Variants in ZDHHC13 observed in about 807,000 individuals in gnomAD.
ZDHHC13 encodes the protein palmitoyltransferase ZDHHC13.
Under a neutral mutation model 86.0 loss-of-function variants are expected in ZDHHC13, and 85 were observed. The ratio of observed to expected loss-of-function variants is 0.99; its 90% CI spans 0.83 to 1.18. The LOEUF is 1.18. ZDHHC13 is among the 50% of genes most tolerant of loss of function. ZDHHC13 has a pLI of 0.00. For missense variants in ZDHHC13, 711 were observed against 730.2 expected (o/e 0.97, Z 0.30); for synonymous variants, 263 against 246.4 (o/e 1.07, Z -0.63).
chr11:19,125,697 A>G (rs1335525535), intron 1 of ZDHHC13, among the ~76,000 whole-genome samples: 2 of 152,220 alleles, frequency 1.3e-5, no homozygotes, highest in Non-Finnish European at 2.9e-5. Flanking sequence ...ACCCACGCAG[A>G]CTGTTTGGAT....
Position 19,165,042 on chromosome 11 carries a change from G to A in ZDHHC13, c.1297-10G>A, listed in dbSNP as rs937240605. Reference sequence around the variant, plus strand: ...GTTTTTGCTTAGGCCTCTCTTAATTGCCCACTTAGATAAGGAAGCCATTAA... The same window carrying A: ...GTTTTTGCTTAGGCCTCTCTTAATTACCCACTTAGATAAGGAAGCCATTAA... On this transcript the variant is annotated splice_polypyrimidine_tract_variant and intron_variant, in intron 12 of 16. Transcript: ENST00000446113. The A allele has an allele frequency of 1.2e-6, 2 of 1,610,234 alleles. No individual in the cohort carries two copies. Among genetic ancestry groups the A allele is most frequent in the African/African-American group, 1.3e-5 (1 of 74,896 alleles).
At chr11:19,147,220 A>G (rs993657604) in intron 3 of ZDHHC13, among the ~76,000 whole-genome samples, 3 of 152,182 alleles carry the variant, frequency 2.0e-5, no homozygotes, top group Non-Finnish European at 2.9e-5. Flanking sequence ...TGAAGGTGAC[A>G]TAACTTTACC....
chr11:19,125,408 A>T (rs959644758), intron 1 of ZDHHC13, among the ~76,000 whole-genome samples: 4 of 152,216 alleles, frequency 2.6e-5, no homozygotes, highest in Admixed American at 2.0e-4. Flanking sequence ...AGGATATGCA[A>T]ATTAAGACCA....
At chr11:19,132,036 C>T (rs1849012856) in intron 1 of ZDHHC13, among the ~76,000 whole-genome samples, 1 of 152,114 alleles carries the variant, frequency 6.6e-6, no homozygotes, top group African/African-American at 2.4e-5. Flanking sequence ...GTTTTAATGT[C>T]TTTTTCAGCT....
intron 1 of ZDHHC13, among the ~76,000 whole-genome samples, chr11:19,123,125 A>T (rs949991007): frequency 2.0e-5 from 3 of 152,208 alleles, no homozygotes; most frequent in Admixed American, 2.0e-4. Flanking sequence ...CCCTTAGCGT[A>T]ATTGTACATC....
intron 1 of ZDHHC13, among the ~76,000 whole-genome samples, chr11:19,131,495 T>C (rs1259796042): frequency 6.6e-6 from 1 of 152,222 alleles, no homozygotes; most frequent in Non-Finnish European, 1.5e-5. Flanking sequence ...GAACTGCAAT[T>C]ATACATCTTC....
chr11:19,171,156 T>C (rs1344769360), intron 15 of ZDHHC13, among the ~76,000 whole-genome samples: 1 of 152,200 alleles, frequency 6.6e-6, no homozygotes, highest in Non-Finnish European at 1.5e-5. Context: ...AGTAATTACA[T>C]TTTCAGAGAA....
chr11:19,156,701 C>T lies in ZDHHC13; in HGVS notation c.1007+772C>T, dbSNP rs543987604. Reference sequence around the variant, plus strand: ...TGGATTACTGTCATCCTCTCCTCACCTCCCACGTCCAACCCATTACCAAGT... The same window carrying T: ...TGGATTACTGTCATCCTCTCCTCACTTCCCACGTCCAACCCATTACCAAGT... On this transcript the variant is annotated intron_variant, in intron 9 of 16. Coordinates refer to ENST00000446113, the MANE Select transcript of ZDHHC13 (RefSeq NM_019028.3). Among the ~76,000 whole-genome samples, 25 of 152,208 alleles carry T rather than the reference C, an allele frequency of 1.6e-4. No homozygotes were observed. The South Asian group carries it at 5.2e-3, about 32-fold the overall frequency.
At chr11:19,169,929 C>T (rs1850174155) in intron 14 of ZDHHC13, 1 of 988,162 alleles carries the variant, frequency 1.0e-6, no homozygotes, top group Non-Finnish European at 1.2e-6. Context: ...ATGCCCAGCT[C>T]CCTGCATGCT....
intron 9 of ZDHHC13, among the ~76,000 whole-genome samples, chr11:19,157,221 A>G (rs1849780967): frequency 6.6e-6 from 1 of 152,196 alleles, no homozygotes; most frequent in South Asian, 2.1e-4. Flanking sequence ...CTGCAACGTA[A>G]AGCCCATAAA....
At chr11:19,131,823 G>A (rs1273617171) in intron 1 of ZDHHC13, among the ~76,000 whole-genome samples, 2 of 151,964 alleles carry the variant, frequency 1.3e-5, no homozygotes, top group East Asian at 1.9e-4. Flanking sequence ...TAGTAGAGAC[G>A]GGGTTTCACC....
chr11:19,134,213 A>G (rs1157773593), intron 1 of ZDHHC13, among the ~76,000 whole-genome samples: 2 of 152,104 alleles, frequency 1.3e-5, no homozygotes, highest in Non-Finnish European at 2.9e-5. Context: ...GCACTAATTC[A>G]GGTCAGGTGT....
chr11:19,163,972 T>A (rs1487491448), intron 11 of ZDHHC13, among the ~76,000 whole-genome samples: 1 of 152,222 alleles, frequency 6.6e-6, no homozygotes. Context: ...CTGGTGGGTT[T>A]TTCTTTTTTA....
chr11:19,142,867 A>G (rs1849359647), intron 1 of ZDHHC13, 111 bp from the exon 2 acceptor site: 3 of 1,246,982 alleles, frequency 2.4e-6, no homozygotes, highest in Non-Finnish European at 3.2e-6. Context: ...TAAAACTCCA[A>G]AAAATGTAAT....
chr11:19,140,305 A>G (rs939831887), intron 1 of ZDHHC13, among the ~76,000 whole-genome samples: 2 of 152,252 alleles, frequency 1.3e-5, no homozygotes, highest in African/African-American at 4.8e-5. Flanking sequence ...GTCAAAAGAC[A>G]TATGAAAAAA....
At chr11:19,150,588 CT>C (rs1565032669) in intron 5 of ZDHHC13, 138 bp from the exon 6 acceptor site, 1 of 669,004 alleles carries the variant, frequency 1.5e-6, no homozygotes, top group East Asian at 2.7e-5. Context: ...GCAAAACATT[CT>C]TTTTATCAAA....
At chr11:19,163,168 G>A (rs1412224597) in intron 10 of ZDHHC13, 135 bp from the exon 11 acceptor site, 28 of 822,222 alleles carry the variant, frequency 3.4e-5, no homozygotes, top group Non-Finnish European at 4.5e-5. Context: ...AACATAGGAT[G>A]GGAAGAGATT....
rs1445172395 is a variant in ZDHHC13, at chr11:19,140,122, A to G, written c.28-2856A>G. ...GCAAAAGAAACTACCATCAGAGTGA[A>G]CAGGCAACCTACAACATGGGAGAAA... On this transcript the variant is annotated intron_variant, in intron 1 of 16. Coordinates refer to ENST00000446113, the MANE Select transcript of ZDHHC13 (RefSeq NM_019028.3). 2.7e-5 allele frequency among the ~76,000 whole-genome samples: 4 copies of G among 150,156 alleles called. No individual in the cohort carries two copies. The East Asian group carries it at 7.8e-4, about 29-fold the overall frequency.
intron 10 of ZDHHC13, 21 bp from the exon 11 acceptor site, chr11:19,163,282 A>G (rs775772240): frequency 8.9e-6 from 14 of 1,568,656 alleles, no homozygotes; most frequent in Middle Eastern, 2.0e-4. Context: ...AGTTTGGTGT[A>G]TTCCTTAACT....
Sources: gnomAD v4.1 joint callset for allele counts (sites outside exome capture counted in the v4.1 genomes callset) on GRCh38, gnomAD v4.1.1 for gene constraint, MANE v1.5 for transcripts, NCBI Gene and HGNC (gene_info 2026-07-23, HGNC 2026-07-21) for gene names.